TRPM7: variants seen among roughly 807,000 people sequenced by gnomAD.
TRPM7 encodes the protein transient receptor potential cation channel subfamily M member 7, also known as LTRPC ion channel family member 7.
Under a neutral mutation model 229.7 loss-of-function variants are expected in TRPM7, and 134 were observed. The observed-to-expected ratio is 0.58, with a 90% CI of 0.51 to 0.67. TRPM7 has a LOEUF of 0.67. TRPM7 is among the 30% of genes least tolerant of loss of function. The pLI is 0.00. For missense variants in TRPM7, 1,901 were observed against 2,210.0 expected (o/e 0.86, Z 2.80); for synonymous variants, 699 against 715.2 (o/e 0.98, Z 0.36).
chr15:50,626,613 T>C (rs1274172429), intron 11 of TRPM7, among the ~76,000 whole-genome samples: 1 of 152,152 alleles, frequency 6.6e-6, no homozygotes, highest in Non-Finnish European at 1.5e-5. Context: ...AGAAGATAAA[T>C]GCTTCATCCA....
chr15:50,594,780 G>A (rs1160841156), intron 23 of TRPM7, among the ~76,000 whole-genome samples, 167 bp from the exon 24 acceptor site: 3 of 152,060 alleles, frequency 2.0e-5, no homozygotes, highest in African/African-American at 4.8e-5. Flanking sequence ...CAGGCAGTAA[G>A]TATAAGGCAA....
chr15:50,669,397 T>C (rs954169669), intron 1 of TRPM7, among the ~76,000 whole-genome samples: 3 of 151,924 alleles, frequency 2.0e-5, no homozygotes, highest in African/African-American at 7.2e-5. Flanking sequence ...GTCATGCCAG[T>C]GCACTCCAGC....
intron 19 of TRPM7, among the ~76,000 whole-genome samples, chr15:50,607,674 G>T (rs1475632350): frequency 6.6e-6 from 1 of 151,940 alleles, no homozygotes; most frequent in Non-Finnish European, 1.5e-5. Context: ...TAAAATTACT[G>T]CAGAATTTCA....
At position 50,560,044 on chromosome 15, in the gene TRPM7, C is replaced by G. The variant is rs1335153785; in HGVS notation, c.*1634G>C. On this transcript the variant is annotated 3_prime_UTR_variant, in exon 39 of 39. Transcript: ENST00000646667. Reference sequence around the variant, plus strand: ...AAAAAAAAAAAAAAAAGTATAGCTACTATTATAATCCTGTGAAAATAATCA... The same window carrying G: ...AAAAAAAAAAAAAAAAGTATAGCTAGTATTATAATCCTGTGAAAATAATCA... The G allele has an allele frequency of 6.8e-6, 1 of 146,596 alleles. No individual in the cohort carries two copies. The highest frequency in any genetic ancestry group is 2.0e-4 in the East Asian group (1 of 4,986). 9.1% of individuals were successfully genotyped at this position (146,596 alleles called of 1,614,324 possible). A position where few individuals can be genotyped will look rare whatever the true frequency, so the allele number is the denominator to read the frequency against.
At chr15:50,626,442 T>C (rs2060562109) in intron 11 of TRPM7, among the ~76,000 whole-genome samples, 2 of 152,192 alleles carry the variant, frequency 1.3e-5, no homozygotes. Context: ...GTGTCTGTTT[T>C]GTAAGGAGCA....
intron 4 of TRPM7, among the ~76,000 whole-genome samples, chr15:50,644,222 A>C (rs566578037): frequency 6.6e-6 from 1 of 152,314 alleles, no homozygotes; most frequent in South Asian, 2.1e-4. Flanking sequence ...TTTCTATAGA[A>C]AAATAGAAAA....
At chr15:50,570,724 G>A (rs529283582) in intron 36 of TRPM7, among the ~76,000 whole-genome samples, 2 of 150,844 alleles carry the variant, frequency 1.3e-5, no homozygotes, top group Non-Finnish European at 3.0e-5. Flanking sequence ...ATGGTGGGGG[G>A]CGCCTGTAGT....
intron 1 of TRPM7, among the ~76,000 whole-genome samples, chr15:50,685,389 G>C (rs1054113917): frequency 1.3e-5 from 2 of 152,232 alleles, no homozygotes; most frequent in East Asian, 3.9e-4. Context: ...TCCCGGAGGC[G>C]GATGTTGCAG....
At position 50,574,908 on chromosome 15, in the gene TRPM7, C is replaced by T. The variant is rs1178271057; in HGVS notation, c.4963G>A (p.Val1655Ile). 2 of 1,613,750 alleles carry T rather than the reference C, an allele frequency of 1.2e-6. No homozygotes were observed. Among genetic ancestry groups the T allele is most frequent in the South Asian group, 2.2e-5 (2 of 91,074 alleles). Residue 1655 changes from valine (V) to isoleucine (I), a missense_variant, in exon 34 of 39, where the codon GTT (valine) becomes ATT (isoleucine). This residue lies in a region of TRPM7 where 257 missense variants were observed against 352.0 expected (regional missense o/e 0.73). Transcript: ENST00000646667. ...YIIKSFLPEV[V>I]NTWSSIYKED... ...TTGTAAATACTTGACCATGTATTAA[C>T]CACCTCTGGAAGAAAAGATTTGATA... is the stretch of plus-strand genomic sequence containing the variant.
intron 27 of TRPM7, 109 bp from the exon 28 acceptor site, chr15:50,586,597 T>C (rs2059349283): frequency 3.1e-6 from 2 of 653,102 alleles, no homozygotes; most frequent in South Asian, 3.9e-5. Context: ...ATATGCTTTA[T>C]TCTACCTGGA....
intron 38 of TRPM7, among the ~76,000 whole-genome samples, chr15:50,568,206 T>C (rs2053704458): frequency 6.7e-6 from 1 of 150,274 alleles, no homozygotes; most frequent in African/African-American, 2.5e-5. Context: ...ATCATCTTAA[T>C]GGTGAAAAGA....
intron 27 of TRPM7, among the ~76,000 whole-genome samples, chr15:50,588,852 T>A (rs150175979): frequency 6.6e-6 from 1 of 152,230 alleles, no homozygotes; most frequent in Non-Finnish European, 1.5e-5. Context: ...TTGAAACTTA[T>A]TTAACAAACA....
rs570985473 is a variant in TRPM7, at chr15:50,667,055, C to G, written c.4-4009G>C. Among the ~76,000 whole-genome samples the G allele has an allele frequency of 3.9e-5, 6 of 152,190 alleles. No individual in the cohort carries two copies. In the East Asian group the frequency reaches 1.2e-3, roughly 29 times the overall value. On this transcript the variant is annotated intron_variant, in intron 1 of 38. Coordinates refer to ENST00000646667, the MANE Select transcript of TRPM7 (RefSeq NM_017672.6). ...AGGACCCCTTTCTGGTAACATCTTT[C>G]TGGCAAACCATAAAGGGATGATACT...
chr15:50,678,506 TA>T (rs10553093), intron 1 of TRPM7, among the ~76,000 whole-genome samples: 63 of 128,732 alleles, frequency 4.9e-4, no homozygotes, highest in South Asian at 1.5e-3. Flanking sequence ...TTCCATTCTT[TA>T]AAAAAAAAAA....
intron 4 of TRPM7, among the ~76,000 whole-genome samples, chr15:50,647,741 CA>C (rs962319219): frequency 2.7e-5 from 4 of 146,192 alleles, no homozygotes; most frequent in Admixed American, 1.4e-4. Flanking sequence ...GACACCATCT[CA>C]AAAAAAAAAG....
chr15:50,620,271 C>T (rs1394545567), intron 12 of TRPM7, among the ~76,000 whole-genome samples: 1 of 151,336 alleles, frequency 6.6e-6, no homozygotes, highest in Non-Finnish European at 1.5e-5. Flanking sequence ...AATTTGTAAA[C>T]TTTCTTAAAA....
intron 1 of TRPM7, among the ~76,000 whole-genome samples, chr15:50,676,490 G>A (rs2062095992): frequency 6.6e-6 from 1 of 152,010 alleles, no homozygotes; most frequent in South Asian, 2.1e-4. Flanking sequence ...AGGCCAAGAT[G>A]GGAGGACTGC....
Position 50,686,586 on chromosome 15 carries a change from C to A in TRPM7, c.-53G>T. 1 of 1,605,200 alleles carries A rather than the reference C, an allele frequency of 6.2e-7. No homozygotes were observed. ...GCAGCAACTCCACCTCCTCCTCCTC[C>A]GCGGCCTGTAGCCATCTATCGGGAA... On this transcript the variant is annotated 5_prime_UTR_variant, in exon 1 of 39. It introduces an in-frame stop codon into an upstream open reading frame of the 5' UTR. Coordinates refer to ENST00000646667, the MANE Select transcript of TRPM7 (RefSeq NM_017672.6).
chr15:50,618,569 C>CAGTAAATA (rs762112630), intron 13 of TRPM7, among the ~76,000 whole-genome samples: 1 of 141,980 alleles, frequency 7.0e-6, no homozygotes, highest in Admixed American at 7.4e-5. Context: ...GATTCCGTCT[C>CAGTAAATA]AATAAATAAA....
Sources: gnomAD v4.1 joint callset for allele counts (sites outside exome capture counted in the v4.1 genomes callset) on GRCh38, gnomAD v4.1.1 for gene constraint, gnomAD v4.1.1 regional missense constraint, MANE v1.5 for transcripts, NCBI Gene and HGNC (gene_info 2026-07-23, HGNC 2026-07-21) for gene names.